FBLN1: variants seen among roughly 807,000 people sequenced by gnomAD.
The protein encoded by FBLN1 is fibulin 1.
FBLN1 carries 34 observed loss-of-function variants against 89.7 expected under a neutral mutation model. The observed-to-expected ratio is 0.38, with a 90% CI of 0.29 to 0.50. The LOEUF is 0.50. FBLN1 is among the 20% of genes least tolerant of loss of function. The pLI, the probability that FBLN1 is intolerant of heterozygous loss-of-function variation, is 0.92. For missense variants in FBLN1, 777 were observed against 988.1 expected, an observed-to-expected ratio of 0.79 and a Z score of 2.86; for synonymous variants, 393 against 391.3, an observed-to-expected ratio of 1.00 and a Z score of -0.05.
Position 45,574,736 on chromosome 22 carries a change from T to C in FBLN1, c.1840+83T>C. 8.2e-7 allele frequency: 1 copy of C among 1,219,472 alleles called. No individual in the cohort carries two copies. Among genetic ancestry groups the C allele is most frequent in the Non-Finnish European group, 1.2e-6 (1 of 847,148 alleles). The allele number at this position is 1,219,472 out of a possible 1,614,324, so 75.5% of individuals were successfully genotyped here. A position where few individuals can be genotyped will look rare whatever the true frequency, so the allele number is the denominator to read the frequency against. On this transcript the variant is annotated intron_variant, in intron 15 of 16. Coordinates refer to ENST00000327858, the MANE Select transcript of FBLN1 (RefSeq NM_006486.3). The surrounding 1 kb of genome is among the most constrained non-coding windows in gnomAD (Gnocchi z 4.1). ...TGAGGGCTTGGCCTACAGGAGTTGT[T>C]CCTTGTAAGATGTGGCCCAGGCTTT...
At chr22:45,528,933 C>T (rs1270203330) in intron 4 of FBLN1, among the ~76,000 whole-genome samples, 1 of 152,184 alleles carries the variant, frequency 6.6e-6, no homozygotes, top group Non-Finnish European at 1.5e-5. Context: ...TACCTTGGTC[C>T]CCTCATCTGG....
Position 45,557,436 on chromosome 22 carries a change from G to A in FBLN1, c.1697+6821G>A, listed in dbSNP as rs755009043. Among the ~76,000 whole-genome samples the A allele has an allele frequency of 6.6e-6, 1 of 152,196 alleles. No homozygotes were observed. The highest frequency in any genetic ancestry group is 1.5e-5 in the Non-Finnish European group (1 of 68,046). On this transcript the variant is annotated intron_variant, in intron 14 of 16. Coordinates refer to ENST00000327858, the MANE Select transcript of FBLN1 (RefSeq NM_006486.3). The surrounding 1 kb of genome is among the most constrained non-coding windows in gnomAD (Gnocchi z 4.9). ...CATGGTGCCACATCGAGGGCTCAGT[G>A]TTGGTCTCTGCTACTGGCGAATTGG...
At chr22:45,567,497 T>C (rs1188616242) in intron 14 of FBLN1, among the ~76,000 whole-genome samples, 1 of 152,124 alleles carries the variant, frequency 6.6e-6, no homozygotes, top group African/African-American at 2.4e-5. Context: ...ACACCTGTAA[T>C]CTCAGCTGCT....
chr22:45,596,643 A>G (rs1157129597), intron 16 of FBLN1, among the ~76,000 whole-genome samples: 5 of 148,292 alleles, frequency 3.4e-5, no homozygotes, highest in Non-Finnish European at 7.4e-5. Flanking sequence ...AATTATATAC[A>G]TATATCAACA....
chr22:45,535,173 C>T (rs1304882110), intron 7 of FBLN1, 27 bp from the exon 8 acceptor site: 3 of 1,613,878 alleles, frequency 1.9e-6, no homozygotes, highest in Admixed American at 1.7e-5. Context: ...CTCTTGCTAA[C>T]AATTTCCTTT....
intron 7 of FBLN1, among the ~76,000 whole-genome samples, chr22:45,534,257 A>G (rs920781175): frequency 5.5e-5 from 8 of 145,842 alleles, no homozygotes; most frequent in Admixed American, 4.3e-4. Flanking sequence ...AATCAAGACC[A>G]GGGATGAATT....
intron 1 of FBLN1, among the ~76,000 whole-genome samples, chr22:45,515,644 CTG>C (rs949658584): frequency 1.3e-5 from 2 of 152,232 alleles, no homozygotes; most frequent in Admixed American, 1.3e-4. Flanking sequence ...CAGCACCCGG[CTG>C]TGTCTCCCCC....
At position 45,550,642 on chromosome 22, in the gene FBLN1, C is replaced by A; in HGVS notation, c.1697+27C>A. ...TAAGTCCCTTGGACCATGCCATCGT[C>A]GTCTGTCTGTGTTGGCCTTCCTGGT... On this transcript the variant is annotated intron_variant, in intron 14 of 16. Coordinates refer to ENST00000327858, the MANE Select transcript of FBLN1 (RefSeq NM_006486.3). This position sits in a 1 kb window ranked among gnomAD's most constrained non-coding sequence, Gnocchi z 8.4. The A allele has an allele frequency of 6.2e-7, 1 of 1,613,932 alleles. No homozygotes were observed. The highest frequency in any genetic ancestry group is 1.1e-5 in the South Asian group (1 of 91,076).
intron 14 of FBLN1, among the ~76,000 whole-genome samples, chr22:45,558,932 T>A (rs144581682): frequency 2.0e-5 from 3 of 152,336 alleles, no homozygotes; most frequent in African/African-American, 7.2e-5. Flanking sequence ...ACTTACTGGA[T>A]CCAATCAGCA....
At position 45,580,217 on chromosome 22, in the gene FBLN1, G is replaced by C. The variant is rs2089031120; in HGVS notation, c.1972+3109G>C. ...GACTTAGGCAGAAACCCTTCATGGT[G>C]GTGGAGAGGAAGAAAGCGGCTTCCA... On this transcript the variant is annotated intron_variant, in intron 16 of 16. Transcript: ENST00000327858. This position sits in a 1 kb window ranked among gnomAD's most constrained non-coding sequence, Gnocchi z 8.6. Among the ~76,000 whole-genome samples the C allele has an allele frequency of 2.0e-5, 3 of 152,132 alleles. No homozygotes were observed. Among genetic ancestry groups the C allele is most frequent in the South Asian group, 2.1e-4 (1 of 4,826 alleles).
At chr22:45,521,357 C>T (rs777017639) in intron 2 of FBLN1, among the ~76,000 whole-genome samples, 3 of 152,166 alleles carry the variant, frequency 2.0e-5, no homozygotes, top group Non-Finnish European at 4.4e-5. Flanking sequence ...CCAGGGTCAC[C>T]AGATGCAAGT....
chr22:45,515,608 G>C (rs567190644), intron 1 of FBLN1, among the ~76,000 whole-genome samples: 1 of 152,314 alleles, frequency 6.6e-6, no homozygotes, highest in Admixed American at 6.5e-5. Context: ...TGGGGCCACA[G>C]CTCACCTGCG....
Position 45,576,565 on chromosome 22 carries a change from CT to C in FBLN1, c.1841-411del, listed in dbSNP as rs1252135551. 5.3e-5 allele frequency among the ~76,000 whole-genome samples: 8 copies of C among 152,106 alleles called. No individual in the cohort carries two copies. The highest frequency in any genetic ancestry group is 5.9e-5 in the Non-Finnish European group (4 of 67,998). Reference sequence around the variant, plus strand: ...CAGGCCACCGCTCAGGGTGGCCCCCCTGACCTGTGGCACTATAGATGGGAGA... The same window carrying C: ...CAGGCCACCGCTCAGGGTGGCCCCCCGACCTGTGGCACTATAGATGGGAGA... On this transcript the variant is annotated intron_variant, in intron 15 of 16. Transcript: ENST00000327858. This position sits in a 1 kb window ranked among gnomAD's most constrained non-coding sequence, Gnocchi z 5.2.
At position 45,525,690 on chromosome 22, in the gene FBLN1, A is replaced by G; in HGVS notation, c.321+12A>G. ...CCACATTTGTGAAGGTGAGAGCCAA[A>G]GACCATGTGGGGTCGCTGCCCGTCC... On this transcript the variant is annotated intron_variant, in intron 3 of 16. Transcript: ENST00000327858. 2 of 1,551,350 alleles carry G rather than the reference A, an allele frequency of 1.3e-6. No individual in the cohort carries two copies. The highest frequency in any genetic ancestry group is 1.7e-6 in the Non-Finnish European group (2 of 1,147,000).
Position 45,525,605 on chromosome 22 carries a change from G to T in FBLN1, c.248G>T (p.Ser83Ile). Residue 83 changes from serine (S) to isoleucine (I), a missense_variant, in exon 3 of 17, where the codon AGC becomes ATC. By Grantham distance (142) the Ser-to-Ile change is moderately radical (BLOSUM62 -2). Transcript: ENST00000327858. ...GAGCTGCACTGTGCCACGGGCATCA[G>T]CCTGGCCAACGAGCAGGACCGCTGT... Reference protein sequence around the residue: ...LEELHCATGISLANEQDRCAT... With the variant: ...LEELHCATGIILANEQDRCAT... 6.4e-7 allele frequency: 1 copy of T among 1,550,844 alleles called. No individual in the cohort carries two copies. The highest frequency in any genetic ancestry group is 8.7e-7 in the Non-Finnish European group (1 of 1,146,924).
rs1365639030 is a variant in FBLN1 at position 45,580,951 on chromosome 22, C to A, written c.1972+3843C>A. Among the ~76,000 whole-genome samples, 1 of 152,220 alleles carries A rather than the reference C, an allele frequency of 6.6e-6. No homozygotes were observed. The highest frequency in any genetic ancestry group is 1.5e-5 in the Non-Finnish European group (1 of 68,038). On this transcript the variant is annotated intron_variant, in intron 16 of 16. Transcript: ENST00000327858. This position sits in a 1 kb window ranked among gnomAD's most constrained non-coding sequence, Gnocchi z 8.6. Reference sequence around the variant, plus strand: ...CCCCCTTGCATTCCTCTTTAACCGGCTGTCAAAGAAAAATGAAGAATGCGT... The same window carrying A: ...CCCCCTTGCATTCCTCTTTAACCGGATGTCAAAGAAAAATGAAGAATGCGT...
At chr22:45,527,450 A>G (rs372279259) in intron 3 of FBLN1, among the ~76,000 whole-genome samples, 5 of 152,144 alleles carry the variant, frequency 3.3e-5, no homozygotes, top group African/African-American at 1.2e-4. Flanking sequence ...TGGTAGAGAA[A>G]TCTCAGACCA....
intron 4 of FBLN1, among the ~76,000 whole-genome samples, chr22:45,529,217 C>G (rs1044722065): frequency 6.6e-6 from 1 of 152,186 alleles, no homozygotes; most frequent in Admixed American, 6.5e-5. Flanking sequence ...CTGGAGCTGA[C>G]GATGTATGGG....
chr22:45,541,553 C>T (rs546613380), intron 9 of FBLN1, among the ~76,000 whole-genome samples, 181 bp downstream of exon 9: 7 of 152,302 alleles, frequency 4.6e-5, no homozygotes, highest in South Asian at 4.1e-4. Flanking sequence ...TGCACCAGCC[C>T]GTCTACTGCC....
Sources: gnomAD v4.1 joint callset for allele counts (sites outside exome capture counted in the v4.1 genomes callset) on GRCh38, gnomAD v4.1.1 for gene constraint, Gnocchi (gnomAD v3.1) non-coding constraint, MANE v1.5 for transcripts, NCBI Gene and HGNC (gene_info 2026-07-23, HGNC 2026-07-21) for gene names.